The following SLITRK3 variants were observed in gnomAD, a reference collection of about 807,000 sequenced individuals.
SLITRK3 encodes SLIT and NTRK-like protein 3.
Under a neutral mutation model 63.6 loss-of-function variants are expected in SLITRK3, and 16 were observed. The observed-to-expected ratio is 0.25, with a 90% CI of 0.17 to 0.38. SLITRK3 has a LOEUF of 0.38. Among genes scored for constraint, SLITRK3 ranks in the 10% least tolerant of loss-of-function variants. The pLI is 1.00. For synonymous variants in SLITRK3, 547 were observed against 451.6 expected, an observed-to-expected ratio of 1.21 and a Z score of -2.68; for missense variants, 1,117 against 1,181.4, an observed-to-expected ratio of 0.95 and a Z score of 0.80.
chr3:165,188,118 C>G lies in SLITRK3; in HGVS notation c.2713G>C (p.Gly905Arg). 1 of 1,613,390 alleles carries G rather than the reference C, an allele frequency of 6.2e-7. No homozygotes were observed. The highest frequency in any genetic ancestry group is 8.5e-7 in the Non-Finnish European group (1 of 1,179,822). ...CTVGFVDCLY[G>R]TVPKLKELHV... is the part of the protein sequence containing the mutation. ...AGTTCCTTTAATTTGGGCACTGTTC[C>G]ATAGAGACAGTCCACAAATCCCACT... Residue 905 changes from glycine (G) to arginine (R), a missense_variant, in exon 2 of 2, where the codon GGA becomes CGA. Coordinates refer to ENST00000475390, the MANE Select transcript of SLITRK3 (RefSeq NM_001318810.2).
Position 165,187,648 on chromosome 3 carries a change from G to A in SLITRK3, c.*249C>T. ...TAAAAAAATAATGATAACATTTGCT[G>A]GCAAAAGTCTGCGAAGGCACTTTCA... On this transcript the variant is annotated 3_prime_UTR_variant, in exon 2 of 2. Coordinates refer to ENST00000475390, the MANE Select transcript of SLITRK3 (RefSeq NM_001318810.2). 2.7e-6 allele frequency: 1 copy of A among 376,716 alleles called. No homozygotes were observed. The highest frequency in any genetic ancestry group is 4.8e-6 in the Non-Finnish European group (1 of 210,354). The allele number at this position is 376,716 out of a possible 1,614,324, so 23.3% of individuals were successfully genotyped here.
In SLITRK3 at chr3:165,190,402, G is replaced by A. The variant is rs531523105; in HGVS notation, c.429C>T (p.Asp143=). ...CTAGACTTTCCAAGCCAAGGAAGGT[G>A]TCATTTCTGAAGACATCTAGTTTGT... ...HENKLDVFRN[D]TFLGLESLEY... The change falls in exon 2 of 2, where the codon GAC becomes GAT. Residue 143 remains aspartate (D), a synonymous_variant. Transcript: ENST00000475390. 3 of 1,613,930 alleles carry A rather than the reference G, an allele frequency of 1.9e-6. No individual in the cohort carries two copies. Among genetic ancestry groups the A allele is most frequent in the South Asian group, 2.2e-5 (2 of 91,074 alleles).
At position 165,189,945 on chromosome 3, in the gene SLITRK3, G is replaced by C; in HGVS notation, c.886C>G (p.Pro296Ala). ...TTCTCCTTACTTGATGACGAATGTG[G>C]AATTCCCAAACTAGCCTCTACCTCA... ...DSEVEASLGIPHSSSSKENAW... is the reference protein window; with the variant it reads ...DSEVEASLGIAHSSSSKENAW... Residue 296 changes from proline to alanine, a missense_variant, in exon 2 of 2, where the codon CCA becomes GCA. Pro to Ala is a conservative substitution (Grantham distance 27). Coordinates refer to ENST00000475390, the MANE Select transcript of SLITRK3 (RefSeq NM_001318810.2). This position sits in a 1 kb window ranked among gnomAD's most constrained non-coding sequence, Gnocchi z 4.0. 6.2e-7 allele frequency: 1 copy of C among 1,614,096 alleles called. No individual in the cohort carries two copies.
chr3:165,187,711 G>A lies in SLITRK3; in HGVS notation c.*186C>T, dbSNP rs73165234. The A allele has an allele frequency of 0.044, 21,623 of 492,682 alleles. 691 individuals carry two copies. Among genetic ancestry groups the A allele is most frequent in the Middle Eastern group, 0.1 (194 of 1,850 alleles). The allele number at this position is 492,682 out of a possible 1,614,324, so 30.5% of individuals were successfully genotyped here. On this transcript the variant is annotated 3_prime_UTR_variant, in exon 2 of 2. Transcript: ENST00000475390. Reference sequence around the variant, plus strand: ...CTGAGTATGGCCCTTCCTCCAAATCGCATCTGAGAGGGGAGAGCATACATC... The same window carrying A: ...CTGAGTATGGCCCTTCCTCCAAATCACATCTGAGAGGGGAGAGCATACATC...
Position 165,190,097 on chromosome 3 carries a change from C to T in SLITRK3, c.734G>A (p.Ser245Asn), listed in dbSNP as rs981685900. ...NCTCEIVQLKSWLERIPYTAL... is the reference protein window; with the variant it reads ...NCTCEIVQLKNWLERIPYTAL... ...AGTATAAGGAATGCGTTCCAGCCAA[C>T]TCTTCAGTTGTACAATTTCACATGT... Residue 245 changes from serine (S) to asparagine (N), a missense_variant, in exon 2 of 2, where the codon AGT becomes AAT. By Grantham distance (46) the Ser-to-Asn change is conservative. This residue lies in a region of SLITRK3 where 452 missense variants were observed against 495.3 expected (regional missense o/e 0.91). Coordinates refer to ENST00000475390, the MANE Select transcript of SLITRK3 (RefSeq NM_001318810.2). 6.2e-7 allele frequency: 1 copy of T among 1,614,074 alleles called. No homozygotes were observed. The highest frequency in any genetic ancestry group is 1.3e-5 in the African/African-American group (1 of 74,914).
At position 165,196,045 on chromosome 3, in the gene SLITRK3, T is replaced by A. The variant is rs1718405227; in HGVS notation, c.-487A>T. ...TCAAAGGTTGTCACTCACAGCGCAA[T>A]CCCTGCCCGAGGCCTCCTTCCATCC... On this transcript the variant is annotated 5_prime_UTR_variant, in exon 1 of 2. Coordinates refer to ENST00000475390, the MANE Select transcript of SLITRK3 (RefSeq NM_001318810.2). The A allele has an allele frequency of 6.6e-6, 1 of 152,668 alleles. No homozygotes were observed. Among genetic ancestry groups the A allele is most frequent in the African/African-American group, 2.4e-5 (1 of 41,426 alleles). 9.5% of individuals were successfully genotyped at this position (152,668 alleles called of 1,614,324 possible).
At chr3:165,192,691 G>GA (rs60098565) in intron 1 of SLITRK3, among the ~76,000 whole-genome samples, 222 of 138,634 alleles carry the variant, frequency 1.6e-3, no homozygotes, top group Middle Eastern at 3.8e-3. Flanking sequence ...GGGACTAAGA[G>GA]AAAAAAAAAA....
Position 165,188,211 on chromosome 3 carries a change from G to A in SLITRK3, c.2620C>T (p.Pro874Ser), listed in dbSNP as rs371604298. Residue 874 changes from proline to serine, a missense_variant, in exon 2 of 2, where the codon CCT becomes TCT. Coordinates refer to ENST00000475390, the MANE Select transcript of SLITRK3 (RefSeq NM_001318810.2). ...EKNGGVVLFPPGGGCGSGSML... is the reference protein window; with the variant it reads ...EKNGGVVLFPSGGGCGSGSML... Reference sequence around the variant, plus strand: ...CTGCCACTACCACAGCCTCCCCCAGGAGGAAACAGCACCACCCCACCATTT... The same window carrying A: ...CTGCCACTACCACAGCCTCCCCCAGAAGGAAACAGCACCACCCCACCATTT... 7 of 1,613,676 alleles carry A rather than the reference G, an allele frequency of 4.3e-6. No homozygotes were observed. Among genetic ancestry groups the A allele is most frequent in the South Asian group, 1.1e-5 (1 of 91,052 alleles).
rs1412512392 is a variant in SLITRK3, at chr3:165,196,380, C to T, written c.-822G>A. On this transcript the variant is annotated 5_prime_UTR_variant, in exon 1 of 2. Transcript: ENST00000475390. ...GCGATACCGTTGGCAGAGAGTGAGTCCTCTGACCGCTCACCATTCAAGCAC... is the reference window on the plus strand; with the variant it reads ...GCGATACCGTTGGCAGAGAGTGAGTTCTCTGACCGCTCACCATTCAAGCAC... Among the ~76,000 whole-genome samples the T allele has an allele frequency of 2.0e-5, 3 of 149,652 alleles. No homozygotes were observed. Among genetic ancestry groups the T allele is most frequent in the African/African-American group, 7.5e-5 (3 of 40,264 alleles).
At position 165,196,001 on chromosome 3, in the gene SLITRK3, TTC is replaced by T. The variant is rs1576973943; in HGVS notation, c.-445_-444del. 1 of 152,612 alleles carries T rather than the reference TTC, an allele frequency of 6.6e-6. No individual in the cohort carries two copies. Among genetic ancestry groups the T allele is most frequent in the South Asian group, 2.1e-4 (1 of 4,812 alleles). The allele number at this position is 152,612 out of a possible 1,614,324, so 9.5% of individuals were successfully genotyped here. A position where few individuals can be genotyped will look rare whatever the true frequency, so the allele number is the denominator to read the frequency against. ...GAGAGCCTGAGCTCAGTCTCTGGAT[TTC>T]TCTCTTTCTCTCTTCCTCAAAGGTT... On this transcript the variant is annotated 5_prime_UTR_variant, in exon 1 of 2. Coordinates refer to ENST00000475390, the MANE Select transcript of SLITRK3 (RefSeq NM_001318810.2).
At position 165,189,023 on chromosome 3, in the gene SLITRK3, C is replaced by A; in HGVS notation, c.1808G>T (p.Arg603Leu). ...SPENLTHRDV[R>L]TIELEVLCPE... ...GCAAAGAACTTCCAGCTCAATAGTG[C>A]GCACATCACGGTGCGTGAGGTTCTC... Residue 603 changes from arginine (R) to leucine (L), a missense_variant, in exon 2 of 2, where the codon CGC becomes CTC. Coordinates refer to ENST00000475390, the MANE Select transcript of SLITRK3 (RefSeq NM_001318810.2). This position sits in a 1 kb window ranked among gnomAD's most constrained non-coding sequence, Gnocchi z 4.0. 6.2e-7 allele frequency: 1 copy of A among 1,614,164 alleles called. No individual in the cohort carries two copies. The highest frequency in any genetic ancestry group is 8.5e-7 in the Non-Finnish European group (1 of 1,180,038).
rs1256830373 is a variant in SLITRK3, at chr3:165,196,088, CCTTG to C, written c.-534_-531del. 1 of 152,590 alleles carries C rather than the reference CCTTG, an allele frequency of 6.6e-6. No individual in the cohort carries two copies. The highest frequency in any genetic ancestry group is 1.9e-4 in the East Asian group (1 of 5,170). 9.5% of individuals were successfully genotyped at this position (152,590 alleles called of 1,614,324 possible). On this transcript the variant is annotated 5_prime_UTR_variant, in exon 1 of 2. Coordinates refer to ENST00000475390, the MANE Select transcript of SLITRK3 (RefSeq NM_001318810.2). ...TTCCATCCGAGAAGATGGAATTAGC[CCTTG>C]CTTTTCCAGGGTGTCTTTGCTCTTT... is the stretch of plus-strand genomic sequence containing the variant.
rs1717974475 is a variant in SLITRK3 at position 165,186,911 on chromosome 3, AC to A, written c.*985del. The A allele has an allele frequency of 6.6e-6, 1 of 152,334 alleles. No individual in the cohort carries two copies. The highest frequency in any genetic ancestry group is 1.5e-5 in the Non-Finnish European group (1 of 67,996). 9.4% of individuals were successfully genotyped at this position (152,334 alleles called of 1,614,324 possible). On this transcript the variant is annotated 3_prime_UTR_variant, in exon 2 of 2. Coordinates refer to ENST00000475390, the MANE Select transcript of SLITRK3 (RefSeq NM_001318810.2). ...TCCTACAAAGCTGTTAGTGATATAT[AC>A]CCAGTTGCTTTTTTTAATATTATAT... is the stretch of plus-strand genomic sequence containing the variant.
At position 165,187,998 on chromosome 3, in the gene SLITRK3, C is replaced by A. The variant is rs1315068306; in HGVS notation, c.2833G>T (p.Asp945Tyr). 3 of 1,613,704 alleles carry A rather than the reference C, an allele frequency of 1.9e-6. No homozygotes were observed. The South Asian group carries it at 3.3e-5, about 18-fold the overall frequency. Residue 945 changes from aspartate (D) to tyrosine (Y), a missense_variant, in exon 2 of 2, where the codon GAC becomes TAC. Asp to Tyr is a radical substitution (Grantham distance 160). This residue lies in a region of SLITRK3 where 499 missense variants were observed against 463.6 expected (regional missense o/e 1.08). Coordinates refer to ENST00000475390, the MANE Select transcript of SLITRK3 (RefSeq NM_001318810.2). ...TAATCACTTTTTTGGGTTTGGTGGT[C>A]TGTGAAGCCCTTTCCAGCCGAGAAG... ...LLFSAGKGFT[D>Y]HQTQKSDYLE...
intron 1 of SLITRK3, among the ~76,000 whole-genome samples, chr3:165,195,047 A>G (rs894209690): frequency 1.3e-5 from 2 of 152,012 alleles, no homozygotes; most frequent in East Asian, 3.9e-4. Context: ...CCACTGCTGG[A>G]TCTTACAGCT....
At position 165,189,485 on chromosome 3, in the gene SLITRK3, T is replaced by A; in HGVS notation, c.1346A>T (p.Asp449Val). 6.2e-7 allele frequency: 1 copy of A among 1,613,702 alleles called. No individual in the cohort carries two copies. The highest frequency in any genetic ancestry group is 1.7e-5 in the Admixed American group (1 of 60,024). ...LGNNRISYVQ[D>V]GAFINLPNLK... ...GTTGGGCAAGTTGATAAAGGCCCCATCTTGGACATAGGAAATACGATTGTT... is the reference window on the plus strand; with the variant it reads ...GTTGGGCAAGTTGATAAAGGCCCCAACTTGGACATAGGAAATACGATTGTT... Residue 449 changes from aspartate to valine, a missense_variant, in exon 2 of 2, where the codon GAT becomes GTT. This residue lies in a region of SLITRK3 where 158 missense variants were observed against 197.2 expected (regional missense o/e 0.80). Transcript: ENST00000475390. The surrounding 1 kb of genome is among the most constrained non-coding windows in gnomAD (Gnocchi z 4.0).
intron 1 of SLITRK3, among the ~76,000 whole-genome samples, chr3:165,192,948 T>C (rs901853341): frequency 3.9e-5 from 6 of 152,090 alleles, no homozygotes; most frequent in Non-Finnish European, 7.4e-5. Context: ...TCAATCACAG[T>C]GCAGAATCTC....
upstream of SLITRK3, chr3:165,196,835 C>A (rs1222571903): frequency 4.0e-5 from 6 of 150,198 alleles, no homozygotes; most frequent in African/African-American, 1.5e-4. Context: ...CCGCGCATCG[C>A]AGGCAAAATC....
Position 165,189,460 on chromosome 3 carries a change from G to A in SLITRK3, c.1371C>T (p.Asn457=). 1 of 1,613,384 alleles carries A rather than the reference G, an allele frequency of 6.2e-7. No individual in the cohort carries two copies. Among genetic ancestry groups the A allele is most frequent in the South Asian group, 1.1e-5 (1 of 91,080 alleles). ...VQDGAFINLP[N]LKSLFLNGND... is the part of the protein sequence containing the mutation. ...TGCCATTAAGGAAGAGGCTCTTTAAGTTGGGCAAGTTGATAAAGGCCCCAT... is the reference window on the plus strand; with the variant it reads ...TGCCATTAAGGAAGAGGCTCTTTAAATTGGGCAAGTTGATAAAGGCCCCAT... Residue 457 remains asparagine, a synonymous_variant, in exon 2 of 2, where the codon AAC becomes AAT. Coordinates refer to ENST00000475390, the MANE Select transcript of SLITRK3 (RefSeq NM_001318810.2). This position sits in a 1 kb window ranked among gnomAD's most constrained non-coding sequence, Gnocchi z 4.0.
Sources: gnomAD v4.1 joint callset for allele counts (sites outside exome capture counted in the v4.1 genomes callset) on GRCh38, gnomAD v4.1.1 for gene constraint, gnomAD v4.1.1 regional missense constraint, Gnocchi (gnomAD v3.1) non-coding constraint, MANE v1.5 for transcripts, NCBI Gene and HGNC (gene_info 2026-07-23, HGNC 2026-07-21) for gene names.